Variants in ABCC6 observed in about 807,000 individuals in gnomAD.
The protein encoded by ABCC6 is ATP-binding cassette sub-family C member 6.
ABCC6 carries 126 observed loss-of-function variants against 169.5 expected under a neutral mutation model. The observed-to-expected ratio is 0.74, with a 90% CI of 0.64 to 0.86. The LOEUF is 0.86. Among genes scored for constraint, ABCC6 ranks in the 40% least tolerant of loss-of-function variants. The probability of loss-of-function intolerance (pLI) is 0.00; values close to 1 mark genes in which losing one functional copy is unlikely to be tolerated. For missense variants in ABCC6, 1,733 were observed against 1,927.2 expected (o/e 0.90, Z 1.89); for synonymous variants, 752 against 814.7 (o/e 0.92, Z 1.31).
intron 5 of ABCC6, among the ~76,000 whole-genome samples, chr16:16,213,646 C>A (rs1256170568): frequency 6.7e-6 from 1 of 149,550 alleles, no homozygotes; most frequent in Admixed American, 6.7e-5. Flanking sequence ...CTGCAACCTC[C>A]ACATCCCGGA....
In ABCC6 at chr16:16,169,540, T is replaced by C. The variant is rs2046989496; in HGVS notation, c.2995+106A>G. The C allele has an allele frequency of 3.0e-6, 4 of 1,353,130 alleles. No homozygotes were observed. The East Asian group carries it at 9.8e-5, about 33-fold the overall frequency. The allele number at this position is 1,353,130 out of a possible 1,614,324, so 83.8% of individuals were successfully genotyped here. A position where few individuals can be genotyped will look rare whatever the true frequency, so the allele number is the denominator to read the frequency against. ...CCTGGACCCCAGACGTTTTGCACAC[T>C]GTTCCAGGGGGACAGGGTGACCCAG... On this transcript the variant is annotated intron_variant, in intron 22 of 30. Transcript: ENST00000205557.
intron 6 of ABCC6, among the ~76,000 whole-genome samples, chr16:16,210,264 G>A (rs2048558447): frequency 1.3e-5 from 2 of 151,654 alleles, no homozygotes; most frequent in African/African-American, 4.8e-5. Flanking sequence ...AGCCTCCTGA[G>A]TGACTGGGAT....
intron 8 of ABCC6, among the ~76,000 whole-genome samples, chr16:16,203,043 C>T (rs2048293440): frequency 6.6e-6 from 1 of 152,200 alleles, no homozygotes; most frequent in South Asian, 2.1e-4. Context: ...TACACAACTG[C>T]AGGCACATGA....
intron 29 of ABCC6, among the ~76,000 whole-genome samples, chr16:16,151,362 A>G (rs2046384179): frequency 1.3e-5 from 2 of 152,196 alleles, no homozygotes; most frequent in South Asian, 4.1e-4. Context: ...CGGTAGTTCT[A>G]TTTCTAGTTT....
chr16:16,150,040 G>C lies in ABCC6; in HGVS notation c.*93C>G, dbSNP rs887942601. 7 of 1,540,442 alleles carry C rather than the reference G, an allele frequency of 4.5e-6. No individual in the cohort carries two copies. In the East Asian group the frequency reaches 9.5e-5, roughly 21 times the overall value. On this transcript the variant is annotated 3_prime_UTR_variant, in exon 31 of 31. Transcript: ENST00000205557. ...CAAACACAGGTCTAGACTCAATATC[G>C]TGTGGAGCTATCGATGACCACGGGT...
rs1159720780 is a variant in ABCC6 at position 16,207,346 on chromosome 16, A to G, written c.794+1382T>C. Among the ~76,000 whole-genome samples the G allele has an allele frequency of 2.6e-5, 4 of 152,314 alleles. No homozygotes were observed. In the East Asian group the frequency reaches 5.8e-4, roughly 22 times the overall value. On this transcript the variant is annotated intron_variant, in intron 7 of 30. Transcript: ENST00000205557. ...TTAGAGGCCTTCCTTGGGATTTACT[A>G]TATGGACGTTAGGAGAGAGATGCTC...
chr16:16,157,670 C>T lies in ABCC6; in HGVS notation c.3875G>A (p.Gly1292Glu). 1 of 1,614,114 alleles carries T rather than the reference C, an allele frequency of 6.2e-7. No individual in the cohort carries two copies. Among genetic ancestry groups the T allele is most frequent in the South Asian group, 1.1e-5 (1 of 91,078 alleles). Residue 1292 changes from glycine to glutamate, a missense_variant, in exon 27 of 31, where the codon GGA becomes GAA. Gly to Glu is a moderately conservative substitution (Grantham distance 98). Around this residue, in one of 5 missense-constraint regions of ABCC6, gnomAD observed 1,601 missense variants for 1,635.5 expected, o/e 0.98. Coordinates refer to ENST00000205557, the MANE Select transcript of ABCC6 (RefSeq NM_001171.6). ...VQGVSFKIHA[G>E]EKVGIVGRTG... ...TGTGAGAGAACCACTCACCTTCTCTCCTGCGTGGATCTTGAAGGACACGCC... is the reference window on the plus strand; with the variant it reads ...TGTGAGAGAACCACTCACCTTCTCTTCTGCGTGGATCTTGAAGGACACGCC...
At chr16:16,172,679 T>TAGATTTGAGTCCC (rs368144977) in intron 21 of ABCC6, among the ~76,000 whole-genome samples, 122 of 152,228 alleles carry the variant, frequency 8.0e-4, no homozygotes, top group African/African-American at 2.9e-3. Context: ...CAGATTGGCC[T>TAGATTTGAGTCCC]AGATTTGAGT....
intron 10 of ABCC6, among the ~76,000 whole-genome samples, chr16:16,195,474 G>A (rs994703923): frequency 2.6e-5 from 4 of 151,698 alleles, no homozygotes; most frequent in African/African-American, 9.7e-5. Flanking sequence ...CACCATGCCC[G>A]GCTAATTTTT....
intron 29 of ABCC6, 55 bp downstream of exon 29, chr16:16,154,573 T>TG: frequency 1.2e-6 from 2 of 1,608,358 alleles, no homozygotes; most frequent in South Asian, 2.2e-5. Context: ...GGGGAGGGCA[T>TG]GGCCATCCCC....
rs756992618 is a variant in ABCC6, at chr16:16,188,963, C to G, written c.1647G>C (p.Val549=). ...CCACCAGAGTGTGGACAGCAAACAC[C>G]ACCAGTGCGACCTGGGGGGTGGGGG... ...FQVSTFLVAL[V]VFAVHTLVAE... The change falls in exon 13 of 31, where the codon GTG becomes GTC. Residue 549 remains valine (V), a synonymous_variant. Coordinates refer to ENST00000205557, the MANE Select transcript of ABCC6 (RefSeq NM_001171.6). 9.3e-6 allele frequency: 15 copies of G among 1,613,862 alleles called. No individual in the cohort carries two copies. Among genetic ancestry groups the G allele is most frequent in the Non-Finnish European group, 1.3e-5 (15 of 1,180,024 alleles).
At chr16:16,169,901 AG>A in intron 21 of ABCC6, 48 bp from the exon 22 acceptor site, 17 of 1,538,276 alleles carry the variant, frequency 1.1e-5, no homozygotes, top group Non-Finnish European at 1.4e-5. Context: ...CCCCAGTGGG[AG>A]GGGTGGGTTG....
At chr16:16,196,209 C>CAA (rs35287964) in intron 10 of ABCC6, among the ~76,000 whole-genome samples, 40,048 of 131,356 alleles carry the variant, frequency 0.3, 6,239 homozygotes, top group Middle Eastern at 0.41. Context: ...GACTCTGTCT[C>CAA]AAAAAAAAAA....
intron 11 of ABCC6, 63 bp downstream of exon 11, chr16:16,192,767 C>T (rs2047904781): frequency 2.0e-6 from 3 of 1,491,888 alleles, no homozygotes; most frequent in Non-Finnish European, 2.8e-6. Context: ...GCATCTCCCA[C>T]ACCAGGACCT....
chr16:16,162,819 C>A (rs1354408619), intron 24 of ABCC6, among the ~76,000 whole-genome samples, 174 bp downstream of exon 24: 2 of 152,206 alleles, frequency 1.3e-5, no homozygotes, highest in Non-Finnish European at 2.9e-5. Context: ...TTGAGAATCT[C>A]TCGGTCATGT....
chr16:16,154,822 C>T (rs1426401311), intron 28 of ABCC6, 28 bp from the exon 29 acceptor site: 5 of 1,608,036 alleles, frequency 3.1e-6, no homozygotes, highest in African/African-American at 2.7e-5. Context: ...TGGGTCAGAG[C>T]CGGGTCCCAC....
intron 20 of ABCC6, among the ~76,000 whole-genome samples, chr16:16,174,934 T>TA (rs1000898781): frequency 4.7e-5 from 7 of 149,452 alleles, no homozygotes; most frequent in East Asian, 2.1e-4. Context: ...TTTTTTTTTT[T>TA]AATTTACTTA....
intron 16 of ABCC6, 78 bp downstream of exon 16, chr16:16,182,726 G>C: frequency 1.2e-6 from 2 of 1,607,488 alleles, no homozygotes; most frequent in African/African-American, 2.7e-5. Context: ...GGCTGGGATG[G>C]GGAGGGTGGG....
chr16:16,170,296 C>T (rs1011481565), intron 21 of ABCC6, among the ~76,000 whole-genome samples: 4 of 151,994 alleles, frequency 2.6e-5, no homozygotes, highest in Non-Finnish European at 2.9e-5. Flanking sequence ...GATGGAATCT[C>T]GCTGTGTTGC....
Sources: gnomAD v4.1 joint callset for allele counts (sites outside exome capture counted in the v4.1 genomes callset) on GRCh38, gnomAD v4.1.1 for gene constraint, gnomAD v4.1.1 regional missense constraint, MANE v1.5 for transcripts, NCBI Gene and HGNC (gene_info 2026-07-23, HGNC 2026-07-21) for gene names.